Variants in DIMT1 observed in about 807,000 individuals in gnomAD.
The protein encoded by DIMT1 is DIM1 rRNA methyltransferase and ribosome maturation factor, also known as dimethyladenosine transferase.
A neutral mutation model predicts 43.2 loss-of-function variants in DIMT1; 36 were observed. That is an observed-to-expected ratio of 0.83 (90% confidence interval 0.64 to 1.10). DIMT1 has a LOEUF of 1.10. Among genes scored for constraint, DIMT1 ranks in the 50% least tolerant of loss-of-function variants. The pLI is 0.00. For synonymous variants in DIMT1, 126 were observed against 130.3 expected (o/e 0.97, Z 0.22); for missense variants, 341 against 385.3 (o/e 0.88, Z 0.96).
chr5:62,389,511 T>C (rs921416446), intron 11 of DIMT1, among the ~76,000 whole-genome samples: 1 of 108,796 alleles, frequency 9.2e-6, no homozygotes, highest in Non-Finnish European at 1.9e-5. Flanking sequence ...AGAAATGTTA[T>C]TGTCTGACTA....
intron 3 of DIMT1, 23 bp downstream of exon 3, chr5:62,402,013 C>T (rs1423503633): frequency 1.2e-6 from 2 of 1,607,604 alleles, no homozygotes; most frequent in Non-Finnish European, 1.7e-6. Flanking sequence ...TTTGTGATAC[C>T]AAACATTAAA....
rs776524614 is a variant in DIMT1 at position 62,394,503 on chromosome 5, C to G, written c.551G>C (p.Arg184Pro). 1 of 1,614,142 alleles carries G rather than the reference C, an allele frequency of 6.2e-7. No individual in the cohort carries two copies. The highest frequency in any genetic ancestry group is 1.1e-5 in the South Asian group (1 of 91,076). ...RLSINTQLLARVDHLMKVGKN... is the reference protein window; with the variant it reads ...RLSINTQLLAPVDHLMKVGKN... Reference sequence around the variant, plus strand: ...ACTTACTTTCATTAGATGGTCCACACGTGCCAACAGCTGTGTATTAATTGA... The same window carrying G: ...ACTTACTTTCATTAGATGGTCCACAGGTGCCAACAGCTGTGTATTAATTGA... Residue 184 changes from arginine to proline, a missense_variant, in exon 7 of 12, where the codon CGT becomes CCT. Arg to Pro is a moderately radical substitution (Grantham distance 103). Transcript: ENST00000199320.
Position 62,402,048 on chromosome 5 carries a change from T to C in DIMT1, c.228A>G (p.Glu76=), listed in dbSNP as rs760415346. ...GTGNMTVKLL[E]KAKKVVACEL... ...ATCCCCTTTCTACCTTTTTTGCCTTTTCTAACAACTTTACAGTCATGTTGC... is the reference window on the plus strand; with the variant it reads ...ATCCCCTTTCTACCTTTTTTGCCTTCTCTAACAACTTTACAGTCATGTTGC... The change falls in exon 3 of 12, where the codon GAA becomes GAG. Residue 76 remains glutamate, a synonymous_variant. Transcript: ENST00000199320. 1.9e-6 allele frequency: 3 copies of C among 1,613,796 alleles called. No individual in the cohort carries two copies. In the Admixed American group the frequency reaches 5.0e-5, roughly 27 times the overall value.
chr5:62,403,477 C>T (rs1742784727), intron 1 of DIMT1, 131 bp from the exon 2 acceptor site: 1 of 994,854 alleles, frequency 1.0e-6, no homozygotes, highest in East Asian at 2.6e-5. Flanking sequence ...CACGCCAGGA[C>T]TGACAAACTC....
chr5:62,403,383 T>C, intron 1 of DIMT1, 37 bp from the exon 2 acceptor site: 2 of 1,587,616 alleles, frequency 1.3e-6, no homozygotes, highest in Non-Finnish European at 1.7e-6. Flanking sequence ...ATTTTCCTAC[T>C]GAGATTAGAT....
intron 6 of DIMT1, among the ~76,000 whole-genome samples, chr5:62,396,139 G>GGTTTTTTTTTTTTTT (rs1554044632): frequency 8.6e-6 from 1 of 116,760 alleles, no homozygotes; most frequent in African/African-American, 3.6e-5. Flanking sequence ...GTCACTGCAG[G>GGTTTTTTTTTTTTTT]TTTTTTTTTT....
chr5:62,402,795 C>A (rs1287961850), intron 2 of DIMT1, among the ~76,000 whole-genome samples: 21 of 152,168 alleles, frequency 1.4e-4, no homozygotes, highest in Non-Finnish European at 1.5e-5. Flanking sequence ...CTTCCTAACA[C>A]CCAATCATCC....
In DIMT1 at chr5:62,390,873, T is replaced by G; in HGVS notation, c.899+3A>C. On this transcript the variant is annotated splice_donor_region_variant and intron_variant, in intron 11 of 11. Transcript: ENST00000199320. ...ACACTTAGGAAAACAAAAATGTAATTACCTGATGAAGTCATCTATGTCCAT... is the reference window on the plus strand; with the variant it reads ...ACACTTAGGAAAACAAAAATGTAATGACCTGATGAAGTCATCTATGTCCAT... The G allele has an allele frequency of 6.2e-7, 1 of 1,610,354 alleles. No homozygotes were observed. The highest frequency in any genetic ancestry group is 8.5e-7 in the Non-Finnish European group (1 of 1,178,392).
intron 10 of DIMT1, chr5:62,391,822 A>T (rs1165798459): frequency 1.4e-6 from 2 of 1,428,256 alleles, no homozygotes; most frequent in African/African-American, 2.9e-5. Context: ...GTCACAATTC[A>T]GAGGACAGTA....
rs775533413 is a variant in DIMT1 at position 62,389,485 on chromosome 5, CA to C, written c.900-434del. On this transcript the variant is annotated intron_variant, in intron 11 of 11. Coordinates refer to ENST00000199320, the MANE Select transcript of DIMT1 (RefSeq NM_014473.4). ...TGGGTGACAGAGCAAGACTCTGTCTCAAAAAAAAAAAAAAAAGAAATGTTAT... is the reference window on the plus strand; with the variant it reads ...TGGGTGACAGAGCAAGACTCTGTCTCAAAAAAAAAAAAAAAGAAATGTTAT... Among the ~76,000 whole-genome samples, 210 of 75,880 alleles carry C rather than the reference CA, an allele frequency of 2.8e-3. 2 individuals carry two copies. The highest frequency in any genetic ancestry group is 2.9e-3 in the Admixed American group (19 of 6,480). 49.8% of individuals were successfully genotyped at this position (75,880 alleles called of 152,430 possible).
chr5:62,403,196 G>C (rs1742770133), intron 2 of DIMT1, 77 bp downstream of exon 2: 1 of 1,312,498 alleles, frequency 7.6e-7, no homozygotes, highest in Admixed American at 1.8e-5. Flanking sequence ...ACGGCAGGCA[G>C]ACTTTCTGCG....
intron 11 of DIMT1, among the ~76,000 whole-genome samples, chr5:62,389,485 C>CAAAAAAAAAAAAAAA (rs775533413): frequency 0.12 from 8,519 of 74,028 alleles, 1,129 homozygotes; most frequent in Middle Eastern, 0.19. Flanking sequence ...GACTCTGTCT[C>CAAAAAAAAAAAAAAA]AAAAAAAAAA....
intron 11 of DIMT1, among the ~76,000 whole-genome samples, chr5:62,389,403 C>T (rs1441207089): frequency 7.0e-6 from 1 of 143,376 alleles, no homozygotes; most frequent in Non-Finnish European, 1.5e-5. Context: ...GGAGATTTGC[C>T]TGAACCCAGG....
chr5:62,394,383 G>T, intron 7 of DIMT1, 101 bp downstream of exon 7: 1 of 1,272,406 alleles, frequency 7.9e-7, no homozygotes. Flanking sequence ...GATTGCTTGA[G>T]TATGGGAGGC....
intron 7 of DIMT1, 87 bp downstream of exon 7, chr5:62,394,397 G>C: frequency 7.2e-7 from 1 of 1,390,352 alleles, no homozygotes; most frequent in Admixed American, 1.7e-5. Context: ...GGGAGGCAGA[G>C]ATCGCAGTGA....
intron 1 of DIMT1, 57 bp from the exon 2 acceptor site, chr5:62,403,403 TAC>T: frequency 1.3e-6 from 2 of 1,546,776 alleles, no homozygotes; most frequent in South Asian, 2.2e-5. Flanking sequence ...TATTAGGCAG[TAC>T]CAGAGAAGAA....
chr5:62,394,618 A>G lies in DIMT1; in HGVS notation c.447-11T>C. ...ATAAGTATAGCACACCTGAAAAGAA[A>G]GCAGAAAGGAATAAGGAAAATGGTC... is the stretch of plus-strand genomic sequence containing the variant. On this transcript the variant is annotated splice_polypyrimidine_tract_variant and intron_variant, in intron 6 of 11. Coordinates refer to ENST00000199320, the MANE Select transcript of DIMT1 (RefSeq NM_014473.4). 1.9e-6 allele frequency: 3 copies of G among 1,613,526 alleles called. No homozygotes were observed. Among genetic ancestry groups the G allele is most frequent in the Non-Finnish European group, 2.5e-6 (3 of 1,179,858 alleles).
At position 62,388,766 on chromosome 5, in the gene DIMT1, C is replaced by T. The variant is rs145310720; in HGVS notation, c.*244G>A. The T allele has an allele frequency of 3.8e-3, 1,984 of 516,556 alleles. 44 individuals carry two copies. The highest frequency in any genetic ancestry group is 9.8e-4 in the Non-Finnish European group (282 of 288,396). 32.0% of individuals were successfully genotyped at this position (516,556 alleles called of 1,614,324 possible). On this transcript the variant is annotated 3_prime_UTR_variant, in exon 12 of 12. Coordinates refer to ENST00000199320, the MANE Select transcript of DIMT1 (RefSeq NM_014473.4). The stretch of plus-strand genomic sequence containing the variant: ...ATAAGTGTAAAGTTGTGCGTCTCTG[C>T]GGCTCCTGAACTTGAAGATTATTAT...
At chr5:62,393,766 T>C (rs1337994828) in intron 8 of DIMT1, among the ~76,000 whole-genome samples, 189 bp downstream of exon 8, 4 of 152,062 alleles carry the variant, frequency 2.6e-5, no homozygotes, top group Non-Finnish European at 5.9e-5. Context: ...TTTTTGAGAC[T>C]GGGTCTCACT....
Sources: allele counts gnomAD v4.1 joint callset (sites outside exome capture counted in the v4.1 genomes callset), GRCh38; gene constraint gnomAD v4.1.1; transcripts MANE v1.5; gene names NCBI Gene and HGNC (gene_info 2026-07-23, HGNC 2026-07-21).